Variants in SNTB1 observed in about 807,000 individuals in gnomAD.
SNTB1 encodes the protein syntrophin beta 1.
In SNTB1, 36 loss-of-function variants were observed where a neutral mutation model predicts 48.9. The ratio of observed to expected loss-of-function variants is 0.74; its 90% CI spans 0.56 to 0.97. SNTB1 has a LOEUF of 0.97. Among genes scored for constraint, SNTB1 ranks in the 50% least tolerant of loss-of-function variants. The pLI, the probability that SNTB1 is intolerant of heterozygous loss-of-function variation, is 0.00. For synonymous variants in SNTB1, 299 were observed against 294.6 expected (o/e 1.01, Z -0.15); for missense variants, 786 against 703.4 (o/e 1.12, Z -1.33).
At chr8:120,694,897 T>TCTTAAGAAAACAAAAATAA (rs1219789791) in intron 1 of SNTB1, among the ~76,000 whole-genome samples, 1 of 152,146 alleles carries the variant, frequency 6.6e-6, no homozygotes, top group African/African-American at 2.4e-5. Flanking sequence ...CTTTTATAAA[T>TCTTAAGAAAACAAAAATAA]CTTAAGAAAA....
chr8:120,600,027 C>CTA (rs1489911486), intron 3 of SNTB1, among the ~76,000 whole-genome samples: 3 of 152,188 alleles, frequency 2.0e-5, no homozygotes, highest in Admixed American at 1.3e-4. Context: ...CATGATCTAG[C>CTA]TCCTCAAAAT....
intron 1 of SNTB1, among the ~76,000 whole-genome samples, chr8:120,761,676 G>T (rs1018007724): frequency 2.0e-5 from 3 of 152,106 alleles, no homozygotes; most frequent in Non-Finnish European, 2.9e-5. Context: ...GATCTCTTCC[G>T]CACCTTGACC....
intron 2 of SNTB1, among the ~76,000 whole-genome samples, chr8:120,663,858 T>C (rs934055274): frequency 3.3e-5 from 5 of 152,170 alleles, no homozygotes; most frequent in African/African-American, 1.2e-4. Flanking sequence ...ATGCTTGAGA[T>C]ACTAAAGATC....
chr8:120,794,494 C>G (rs969201175), intron 1 of SNTB1, among the ~76,000 whole-genome samples: 1 of 151,414 alleles, frequency 6.6e-6, no homozygotes, highest in Non-Finnish European at 1.5e-5. Context: ...TATATATATA[C>G]ACACACACAC....
chr8:120,562,503 A>G (rs1216942862), intron 4 of SNTB1, among the ~76,000 whole-genome samples: 1 of 152,106 alleles, frequency 6.6e-6, no homozygotes. Context: ...GACAAATGGG[A>G]TGGCTGGGTG....
At chr8:120,759,541 G>A (rs1417652720) in intron 1 of SNTB1, among the ~76,000 whole-genome samples, 2 of 152,112 alleles carry the variant, frequency 1.3e-5, no homozygotes, top group African/African-American at 4.8e-5. Context: ...GTACTGAAGT[G>A]GCCACAGCAG....
chr8:120,701,100 C>G (rs1427575815), intron 1 of SNTB1, among the ~76,000 whole-genome samples: 5 of 152,038 alleles, frequency 3.3e-5, no homozygotes, highest in Non-Finnish European at 7.4e-5. Context: ...GAATTGCCAA[C>G]AAAATGCAAT....
chr8:120,660,196 A>G lies in SNTB1; in HGVS notation c.789-27545T>C, dbSNP rs2067778230. 2.6e-5 allele frequency among the ~76,000 whole-genome samples: 4 copies of G among 152,236 alleles called. No homozygotes were observed. The South Asian group carries it at 8.3e-4, about 32-fold the overall frequency. On this transcript the variant is annotated intron_variant, in intron 2 of 6. Transcript: ENST00000517992. Reference sequence around the variant, plus strand: ...AAGAGAGTCAGCCTGTCCTCTGAAGATGTGAAGACAATGACTTCTCTTCTC... The same window carrying G: ...AAGAGAGTCAGCCTGTCCTCTGAAGGTGTGAAGACAATGACTTCTCTTCTC...
intron 1 of SNTB1, among the ~76,000 whole-genome samples, chr8:120,763,704 C>G (rs1282620718): frequency 1.3e-5 from 2 of 152,032 alleles, no homozygotes; most frequent in African/African-American, 4.8e-5. Context: ...TAAGAATTAA[C>G]CAACCCAAGA....
At chr8:120,563,296 T>A (rs1815693428) in intron 4 of SNTB1, among the ~76,000 whole-genome samples, 1 of 152,032 alleles carries the variant, frequency 6.6e-6, no homozygotes, top group South Asian at 2.1e-4. Flanking sequence ...ATACCTTTTT[T>A]TTTTTTAATG....
chr8:120,688,767 A>G (rs923181441), intron 2 of SNTB1, among the ~76,000 whole-genome samples: 15 of 152,224 alleles, frequency 9.9e-5, no homozygotes, highest in African/African-American at 3.4e-4. Flanking sequence ...ATTACGGACT[A>G]TTTAAAGCCT....
At chr8:120,703,790 C>A (rs1818341945) in intron 1 of SNTB1, among the ~76,000 whole-genome samples, 1 of 152,208 alleles carries the variant, frequency 6.6e-6, no homozygotes, top group Admixed American at 6.5e-5. Context: ...TGTAGTCTGC[C>A]AACTCCAGCT....
At chr8:120,722,204 A>T (rs1279043004) in intron 1 of SNTB1, among the ~76,000 whole-genome samples, 1 of 152,206 alleles carries the variant, frequency 6.6e-6, no homozygotes, top group Non-Finnish European at 1.5e-5. Context: ...CACAATAAAC[A>T]TACGTGCACA....
At chr8:120,644,678 A>G (rs1817254360) in intron 2 of SNTB1, among the ~76,000 whole-genome samples, 1 of 151,932 alleles carries the variant, frequency 6.6e-6, no homozygotes, top group African/African-American at 2.4e-5. Context: ...GTATATACCC[A>G]GTAATGGGAT....
chr8:120,725,801 C>T (rs925046733), intron 1 of SNTB1, among the ~76,000 whole-genome samples: 2 of 152,178 alleles, frequency 1.3e-5, no homozygotes, highest in African/African-American at 4.8e-5. Context: ...GTATTCTTAC[C>T]TTAAGGCAAC....
At chr8:120,659,385 G>A (rs34622648) in intron 2 of SNTB1, among the ~76,000 whole-genome samples, 24 of 151,956 alleles carry the variant, frequency 1.6e-4, no homozygotes, top group African/African-American at 5.8e-4. Context: ...AACGACGCCT[G>A]CATTTGTTCA....
chr8:120,715,671 A>G (rs1818543033), intron 1 of SNTB1, among the ~76,000 whole-genome samples: 1 of 152,238 alleles, frequency 6.6e-6, no homozygotes, highest in African/African-American at 2.4e-5. Context: ...ACAGTTACTT[A>G]GCACAGACCA....
intron 3 of SNTB1, among the ~76,000 whole-genome samples, chr8:120,605,499 G>A (rs978062326): frequency 3.9e-5 from 6 of 152,120 alleles, no homozygotes; most frequent in Non-Finnish European, 5.9e-5. Flanking sequence ...GCCATGACAC[G>A]TATCTTTGGT....
At chr8:120,544,192 T>C (rs1815339358) in intron 5 of SNTB1, among the ~76,000 whole-genome samples, 1 of 152,230 alleles carries the variant, frequency 6.6e-6, no homozygotes. Context: ...GTTAAAGCTA[T>C]ACCTTCAGAT....
Sources: allele counts gnomAD v4.1 joint callset (sites outside exome capture counted in the v4.1 genomes callset), GRCh38; gene constraint gnomAD v4.1.1; transcripts MANE v1.5; gene names NCBI Gene and HGNC (gene_info 2026-07-23, HGNC 2026-07-21).